The following BOLA3 variants were observed in gnomAD, a reference collection of about 807,000 sequenced individuals.
BOLA3 encodes the protein bolA family member 3, also known as bolA-like protein 3.
BOLA3 carries 8 observed loss-of-function variants against 14.5 expected under a neutral mutation model. The ratio of observed to expected loss-of-function variants is 0.55; its 90% CI spans 0.32 to 0.99. The LOEUF (loss-of-function observed/expected upper bound fraction) is 0.99. Ranked by LOEUF, BOLA3 falls within the 50% of genes least tolerant of loss-of-function variation. BOLA3 has a pLI of 0.04. For synonymous variants in BOLA3, 42 were observed against 45.7 expected, an observed-to-expected ratio of 0.92 and a Z score of 0.33; for missense variants, 115 against 138.2, an observed-to-expected ratio of 0.83 and a Z score of 0.84.
At chr2:74,138,846 A>C (rs974325863) in intron 3 of BOLA3, among the ~76,000 whole-genome samples, 4 of 152,122 alleles carry the variant, frequency 2.6e-5, no homozygotes, top group Non-Finnish European at 5.9e-5. Flanking sequence ...GCCTCATGCA[A>C]TATTTGCCAA....
chr2:74,145,155 C>T, intron 2 of BOLA3, 34 bp downstream of exon 2: 1 of 1,243,612 alleles, frequency 8.0e-7, no homozygotes, highest in Non-Finnish European at 1.2e-6. Context: ...AAAATCTTAT[C>T]CAAGCGCCGT....
chr2:74,141,969 T>C (rs542197691), intron 3 of BOLA3, among the ~76,000 whole-genome samples: 8 of 152,342 alleles, frequency 5.3e-5, no homozygotes, highest in African/African-American at 1.7e-4. Context: ...ATGTATCTTT[T>C]AGCAGTGTCT....
chr2:74,146,672 C>T (rs892758683), intron 1 of BOLA3: 17 of 152,642 alleles, frequency 1.1e-4, no homozygotes, highest in African/African-American at 4.1e-4. Flanking sequence ...GGTCCCACCC[C>T]TCTACCCCTC....
At chr2:74,142,169 A>T in intron 3 of BOLA3, 103 bp downstream of exon 3, 1 of 852,976 alleles carries the variant, frequency 1.2e-6, no homozygotes, top group South Asian at 1.3e-5. Flanking sequence ...GCAGTACTGC[A>T]TTATTCTCTC....
chr2:74,138,320 T>C (rs991801240), intron 3 of BOLA3, among the ~76,000 whole-genome samples: 3 of 152,164 alleles, frequency 2.0e-5, no homozygotes, highest in Non-Finnish European at 4.4e-5. Context: ...CGTGGGAAAG[T>C]AATGAAAGAG....
chr2:74,142,784 T>C (rs1692470051), intron 2 of BOLA3, among the ~76,000 whole-genome samples: 1 of 152,196 alleles, frequency 6.6e-6, no homozygotes, highest in South Asian at 2.1e-4. Flanking sequence ...ACAATTTGGT[T>C]TGAAAACTGT....
intron 3 of BOLA3, among the ~76,000 whole-genome samples, chr2:74,139,327 C>A (rs1692394075): frequency 6.6e-6 from 1 of 152,114 alleles, no homozygotes; most frequent in South Asian, 2.1e-4. Context: ...GCAAGCTTCA[C>A]CCCGTCAGGA....
At chr2:74,143,553 T>A (rs1692486592) in intron 2 of BOLA3, among the ~76,000 whole-genome samples, 1 of 152,162 alleles carries the variant, frequency 6.6e-6, no homozygotes, top group Non-Finnish European at 1.5e-5. Context: ...TGTCCAGGAC[T>A]GCGCAGAGCC....
chr2:74,147,806 C>T lies in BOLA3; in HGVS notation c.54+15G>A, dbSNP rs1373221735. ...CCGTCCCGGGGAGAGCAGCCCCGAC[C>T]CTGCCCACGCTCACCCCGCGGATCC... On this transcript the variant is annotated intron_variant, in intron 1 of 3. Coordinates refer to ENST00000327428, the MANE Select transcript of BOLA3 (RefSeq NM_212552.3). 3 of 1,529,574 alleles carry T rather than the reference C, an allele frequency of 2.0e-6. No homozygotes were observed. Among genetic ancestry groups the T allele is most frequent in the Non-Finnish European group, 2.6e-6 (3 of 1,144,732 alleles). 94.8% of individuals were successfully genotyped at this position (1,529,574 alleles called of 1,614,324 possible).
intron 3 of BOLA3, among the ~76,000 whole-genome samples, chr2:74,139,812 T>G (rs1692405047): frequency 6.6e-6 from 1 of 152,150 alleles, no homozygotes; most frequent in Non-Finnish European, 1.5e-5. Context: ...AGAAGGGCTG[T>G]TCTGGCTGGG....
intron 3 of BOLA3, among the ~76,000 whole-genome samples, chr2:74,141,906 G>C (rs1334416942): frequency 1.3e-5 from 2 of 152,150 alleles, no homozygotes; most frequent in African/African-American, 4.8e-5. Flanking sequence ...TGACTCATCT[G>C]TAAAGCAGTC....
intron 3 of BOLA3, among the ~76,000 whole-genome samples, chr2:74,139,777 G>A (rs927869893): frequency 1.3e-5 from 2 of 152,206 alleles, no homozygotes; most frequent in African/African-American, 4.8e-5. Flanking sequence ...GTGTGGAGCT[G>A]CATGACCCCC....
chr2:74,135,598 G>A lies in BOLA3; in HGVS notation c.319C>T (p.Arg107Cys), dbSNP rs150626228. 6.3e-4 allele frequency: 1,015 copies of A among 1,614,118 alleles called. 2 individuals carry two copies. Among genetic ancestry groups the A allele is most frequent in the Non-Finnish European group, 7.1e-4 (843 of 1,179,996 alleles). Residue 107 changes from arginine (R) to cysteine (C), a missense_variant, in exon 4 of 4, where the codon CGC becomes TGC. Coordinates refer to ENST00000327428, the MANE Select transcript of BOLA3 (RefSeq NM_212552.3). ...TCTATGCAGCCAGGGCGTGGTCAGCGTTTGGGGACAGAGGTAAATATCCGC... is the reference window on the plus strand; with the variant it reads ...TCTATGCAGCCAGGGCGTGGTCAGCATTTGGGGACAGAGGTAAATATCCGC... ...GLRIFTSVPK[R>C]
chr2:74,142,128 T>C, intron 3 of BOLA3, 144 bp downstream of exon 3: 1 of 676,090 alleles, frequency 1.5e-6, no homozygotes, highest in Non-Finnish European at 2.7e-6. Flanking sequence ...AGATTCGATT[T>C]TTCTCAGGTC....
chr2:74,139,386 G>A (rs1692395177), intron 3 of BOLA3, among the ~76,000 whole-genome samples: 1 of 151,818 alleles, frequency 6.6e-6, no homozygotes, highest in African/African-American at 2.4e-5. Context: ...TCTGGATGGG[G>A]CACCTACCCC....
intron 1 of BOLA3, 174 bp downstream of exon 1, chr2:74,147,647 C>CTGAG (rs1692571064): frequency 1.4e-6 from 1 of 692,104 alleles, no homozygotes; most frequent in African/African-American, 1.9e-5. Context: ...GCCGTTGTCG[C>CTGAG]TGAGTGAATG....
rs115118793 is a variant in BOLA3 at position 74,144,645 on chromosome 2, A to G, written c.169+544T>C. Among the ~76,000 whole-genome samples, 390 of 152,314 alleles carry G rather than the reference A, an allele frequency of 2.6e-3. 2 individuals carry two copies. The highest frequency in any genetic ancestry group is 8.9e-3 in the African/African-American group (368 of 41,562). ...AGGTGCCAGTGGCCACCTGAGAAGG[A>G]CAGCGCTTGGCTGGGGCTGGTAACT... On this transcript the variant is annotated intron_variant, in intron 2 of 3. Transcript: ENST00000327428.
At chr2:74,143,651 C>A (rs1159797426) in intron 2 of BOLA3, among the ~76,000 whole-genome samples, 1 of 152,046 alleles carries the variant, frequency 6.6e-6, no homozygotes, top group African/African-American at 2.4e-5. Context: ...CCCCAAGACT[C>A]CTGCAGAGCC....
chr2:74,139,455 C>T (rs1030492588), intron 3 of BOLA3, among the ~76,000 whole-genome samples: 1 of 151,922 alleles, frequency 6.6e-6, no homozygotes, highest in African/African-American at 2.4e-5. Context: ...CAGTTACCAC[C>T]TTGCCTTCCC....
Sources: gnomAD v4.1 joint callset for allele counts (sites outside exome capture counted in the v4.1 genomes callset) on GRCh38, gnomAD v4.1.1 for gene constraint, MANE v1.5 for transcripts, NCBI Gene and HGNC (gene_info 2026-07-23, HGNC 2026-07-21) for gene names.